ELP1: variants seen among roughly 807,000 people sequenced by gnomAD.
ELP1 encodes elongator complex protein 1.
Under a neutral mutation model 183.2 loss-of-function variants are expected in ELP1, and 131 were observed. The observed-to-expected ratio is 0.72, with a 90% CI of 0.62 to 0.83. The LOEUF (loss-of-function observed/expected upper bound fraction) is 0.83, where lower values mean the gene tolerates loss of function less well. Ranked by LOEUF, ELP1 falls within the 40% of genes least tolerant of loss-of-function variation. The pLI is 0.00. For synonymous variants in ELP1, 555 were observed against 569.0 expected, an observed-to-expected ratio of 0.98 and a Z score of 0.35; for missense variants, 1,550 against 1,594.9, an observed-to-expected ratio of 0.97 and a Z score of 0.48.
rs3835305 is a variant in ELP1 at position 108,903,824 on chromosome 9, T to TACAC, written c.1644-159_1644-156dup. On this transcript the variant is annotated intron_variant, in intron 14 of 36. Transcript: ENST00000374647. ...ATACATATATACACACCCAATACTA[T>TACAC]ACACACACACACACACACACACACA... 3.6e-3 allele frequency among the ~76,000 whole-genome samples: 549 copies of TACAC among 150,698 alleles called. 3 individuals carry two copies. The highest frequency in any genetic ancestry group is 0.011 in the African/African-American group (457 of 40,982).
chr9:108,880,071 T>C lies in ELP1; in HGVS notation c.3441A>G (p.Gln1147=), dbSNP rs779796058. 48 of 1,613,662 alleles carry C rather than the reference T, an allele frequency of 3.0e-5. 1 individual carries two copies. In the South Asian group the frequency reaches 5.1e-4, roughly 17 times the overall value. ...ACTCACCCAGACCTGCCTGCTGGGCTTGCTCCTTGAGCTCTCGAACTACCA... is the reference window on the plus strand; with the variant it reads ...ACTCACCCAGACCTGCCTGCTGGGCCTGCTCCTTGAGCTCTCGAACTACCA... ...RLLVVRELKE[Q]AQQAGLDDEV... is the part of the protein sequence containing the mutation. Residue 1147 remains glutamine, a synonymous_variant, in exon 32 of 37, where the codon CAA becomes CAG. Coordinates refer to ENST00000374647, the MANE Select transcript of ELP1 (RefSeq NM_003640.5).
Position 108,897,175 on chromosome 9 carries a change from G to A in ELP1, c.2474C>T (p.Ala825Val). 9.9e-6 allele frequency: 16 copies of A among 1,614,162 alleles called. No individual in the cohort carries two copies. The highest frequency in any genetic ancestry group is 1.4e-5 in the Non-Finnish European group (16 of 1,180,036). ...ATGAGGATTTATGCTCTCCATGACT[G>A]CTCTCATAGCATCGCAGACAAGGTC... ...KIDLVCDAMR[A>V]VMESINPHKY... Residue 825 changes from alanine (A) to valine (V), a missense_variant, in exon 23 of 37, where the codon GCA (alanine) becomes GTA (valine). Physicochemically the swap from Ala to Val is moderately conservative, Grantham distance 64. Coordinates refer to ENST00000374647, the MANE Select transcript of ELP1 (RefSeq NM_003640.5).
Position 108,867,741 on chromosome 9 carries a change from CTCT to C in ELP1, c.*1371_*1373del, listed in dbSNP as rs1395906717. 1 of 152,210 alleles carries C rather than the reference CTCT, an allele frequency of 6.6e-6. No homozygotes were observed. The highest frequency in any genetic ancestry group is 1.5e-5 in the Non-Finnish European group (1 of 68,022). The allele number at this position is 152,210 out of a possible 1,614,324, so 9.4% of individuals were successfully genotyped here. A position where few individuals can be genotyped will look rare whatever the true frequency, so the allele number is the denominator to read the frequency against. ...CTCCAAAGCAAAGTATATCTTCTTT[CTCT>C]TCTTTTTAAAAACTCCTATGAGATT... On this transcript the variant is annotated 3_prime_UTR_variant, in exon 37 of 37. Coordinates refer to ENST00000374647, the MANE Select transcript of ELP1 (RefSeq NM_003640.5).
chr9:108,896,360 G>GAA (rs1587890337), intron 25 of ELP1, 136 bp downstream of exon 25: 1 of 787,350 alleles, frequency 1.3e-6, no homozygotes, highest in Admixed American at 2.1e-5. Flanking sequence ...GTGGGCCCTA[G>GAA]AAACTCACAG....
In ELP1 at chr9:108,896,531, C is replaced by T. The variant is rs1341492364; in HGVS notation, c.2701G>A (p.Asp901Asn). ...TTCTCAGCTACCATGAGGACCAAATCAAAGTCATAGGTGCCAAGAGAATGA... is the reference window on the plus strand; with the variant it reads ...TTCTCAGCTACCATGAGGACCAAATTAAAGTCATAGGTGCCAAGAGAATGA... ...YDHSLGTYDF[D>N]LVLMVAEKSQ... Residue 901 changes from aspartate (D) to asparagine (N), a missense_variant, in exon 25 of 37, where the codon GAT becomes AAT. Physicochemically the swap from Asp to Asn is conservative, Grantham distance 23. Coordinates refer to ENST00000374647, the MANE Select transcript of ELP1 (RefSeq NM_003640.5). 6.2e-7 allele frequency: 1 copy of T among 1,614,150 alleles called. No individual in the cohort carries two copies. Among genetic ancestry groups the T allele is most frequent in the South Asian group, 1.1e-5 (1 of 91,082 alleles).
At chr9:108,876,082 C>T (rs568696572) in intron 35 of ELP1, among the ~76,000 whole-genome samples, 45 of 152,084 alleles carry the variant, frequency 3.0e-4, no homozygotes, top group African/African-American at 8.9e-4. Flanking sequence ...TCAAGACCAG[C>T]GGGGACAACT....
rs1180833917 is a variant in ELP1 at position 108,879,460 on chromosome 9, G to C, written c.3558C>G (p.Asn1186Lys). The C allele has an allele frequency of 1.2e-6, 2 of 1,611,962 alleles. No individual in the cohort carries two copies. The highest frequency in any genetic ancestry group is 1.7e-6 in the Non-Finnish European group (2 of 1,178,008). ...GTGATACGTACGCTGATATCCTGGA[G>C]TTACTATGGGAGTATTTGCCACTCA... ...SEMSGKYSHS[N>K]SRISARSSKN... The change falls in exon 33 of 37, where the codon AAC (asparagine) becomes AAG (lysine). Residue 1186 changes from asparagine to lysine, a missense_variant. Physicochemically the swap from Asn to Lys is moderately conservative, Grantham distance 94. Coordinates refer to ENST00000374647, the MANE Select transcript of ELP1 (RefSeq NM_003640.5).
At position 108,926,566 on chromosome 9, in the gene ELP1, C is replaced by T. The variant is rs567960748; in HGVS notation, c.423G>A (p.Glu141=). ...QTLIMMTKDF[E]PILEQQIHQD... The stretch of plus-strand genomic sequence containing the variant: ...GATGGATCTGCTGCTCCAGGATTGG[C>T]TCAAAATCTTTTGTCATCATAATCA... The change falls in exon 5 of 37, where the codon GAG becomes GAA. Residue 141 remains glutamate, a synonymous_variant. Transcript: ENST00000374647. 13 of 1,613,182 alleles carry T rather than the reference C, an allele frequency of 8.1e-6. No individual in the cohort carries two copies. The Admixed American group carries it at 1.2e-4, about 14-fold the overall frequency.
intron 23 of ELP1, 49 bp from the exon 24 acceptor site, chr9:108,897,087 G>C (rs761551694): frequency 1.2e-6 from 2 of 1,613,366 alleles, no homozygotes; most frequent in African/African-American, 1.3e-5. Context: ...AAGTAGGCTG[G>C]ACAAGGACAA....
chr9:108,925,818 G>A (rs1253239758), intron 5 of ELP1, among the ~76,000 whole-genome samples: 1 of 152,172 alleles, frequency 6.6e-6, no homozygotes, highest in African/African-American at 2.4e-5. Context: ...CAAAAGTGCT[G>A]GGATTACAGG....
At chr9:108,920,050 T>A (rs1425249894) in intron 6 of ELP1, among the ~76,000 whole-genome samples, 1 of 152,096 alleles carries the variant, frequency 6.6e-6, no homozygotes, top group African/African-American at 2.4e-5. Flanking sequence ...AATGAAACTG[T>A]CCTAGGGTAT....
rs147854908 is a variant in ELP1, at chr9:108,903,330, G to C, written c.1750+233C>G. 0.07 allele frequency among the ~76,000 whole-genome samples: 10,581 copies of C among 151,670 alleles called. 478 individuals are homozygous for C. The highest frequency in any genetic ancestry group is 0.11 in the African/African-American group (4,549 of 41,364). On this transcript the variant is annotated intron_variant, in intron 15 of 36. Transcript: ENST00000374647. ...CTATGAGTGAGAACATGCGGTGTTT[G>C]GTTTTTTGTCCCTGCGATAGTCATC...
At chr9:108,911,311 G>T in intron 11 of ELP1, 131 bp from the exon 12 acceptor site, 1 of 908,906 alleles carries the variant, frequency 1.1e-6, no homozygotes. Context: ...GTTTTTCTCA[G>T]GAACAAGTCT....
At chr9:108,920,671 T>G (rs1829614438) in intron 6 of ELP1, among the ~76,000 whole-genome samples, 1 of 151,692 alleles carries the variant, frequency 6.6e-6, no homozygotes, top group South Asian at 2.1e-4. Context: ...ACTTAAAAAA[T>G]CAAAGTAAAT....
In ELP1 at chr9:108,881,767, T is replaced by C; in HGVS notation, c.3286-2A>G. 2.6e-6 allele frequency: 4 copies of C among 1,521,576 alleles called. No individual in the cohort carries two copies. The highest frequency in any genetic ancestry group is 3.6e-6 in the Non-Finnish European group (4 of 1,096,074). 94.3% of individuals were successfully genotyped at this position (1,521,576 alleles called of 1,614,324 possible). A position where few individuals can be genotyped will look rare whatever the true frequency, so the allele number is the denominator to read the frequency against. On this transcript the variant is annotated splice_acceptor_variant, in intron 30 of 36. Transcript: ENST00000374647. LOFTEE classifies it high-confidence loss of function. The stretch of plus-strand genomic sequence containing the variant: ...ATCCAGTCTGTTATATTTGTATACC[T>C]AGAAGGAAAAACACAATAATTTTAG...
intron 9 of ELP1, among the ~76,000 whole-genome samples, 159 bp from the exon 10 acceptor site, chr9:108,916,456 A>G (rs1202320627): frequency 6.6e-6 from 1 of 152,244 alleles, no homozygotes; most frequent in African/African-American, 2.4e-5. Context: ...ACAAATCTGT[A>G]AAATATGTCA....
intron 22 of ELP1, 25 bp downstream of exon 22, chr9:108,898,477 C>T (rs1554695724): frequency 3.0e-6 from 4 of 1,331,630 alleles, no homozygotes; most frequent in African/African-American, 1.5e-5. Context: ...GGAAAAGATA[C>T]ACATGAATTA....
intron 3 of ELP1, among the ~76,000 whole-genome samples, chr9:108,928,179 T>C (rs577216091): frequency 1.3e-5 from 2 of 152,274 alleles, no homozygotes; most frequent in African/African-American, 4.8e-5. Flanking sequence ...TCATAAAAAT[T>C]AAAAATTTAT....
At chr9:108,901,053 C>T (rs779042204) in intron 18 of ELP1, among the ~76,000 whole-genome samples, 7 of 151,872 alleles carry the variant, frequency 4.6e-5, no homozygotes, top group African/African-American at 7.3e-5. Flanking sequence ...CTAGATGGAG[C>T]GCAGATGTAC....
Sources: allele counts gnomAD v4.1 joint callset (sites outside exome capture counted in the v4.1 genomes callset), GRCh38; gene constraint gnomAD v4.1.1; transcripts MANE v1.5; gene names NCBI Gene and HGNC (gene_info 2026-07-23, HGNC 2026-07-21).